Variants in ADAMTS9 observed in about 807,000 individuals in gnomAD.
ADAMTS9 encodes the protein ADAM metallopeptidase with thrombospondin type 1 motif 9, also known as A disintegrin and metalloproteinase with thrombospondin motifs 9.
Under a neutral mutation model 257.1 loss-of-function variants are expected in ADAMTS9, and 107 were observed. The ratio of observed to expected loss-of-function variants is 0.42; its 90% CI spans 0.36 to 0.49. The LOEUF (loss-of-function observed/expected upper bound fraction) is 0.49, where lower values mean the gene tolerates loss of function less well. ADAMTS9 is among the 20% of genes least tolerant of loss of function. ADAMTS9 has a pLI of 0.03. For synonymous variants in ADAMTS9, 982 were observed against 880.9 expected (o/e 1.11, Z -2.03); for missense variants, 2,353 against 2,469.1 (o/e 0.95, Z 1.00).
Position 64,597,002 on chromosome 3 carries a change from C to G in ADAMTS9, c.4018-11G>C. The stretch of plus-strand genomic sequence containing the variant: ...ACAGGTACTGGAACACTAAACACAT[C>G]AGTCGACAAGTTAATCCCCACCTCA... On this transcript the variant is annotated splice_polypyrimidine_tract_variant and intron_variant, in intron 26 of 39. Transcript: ENST00000498707. 6.2e-7 allele frequency: 1 copy of G among 1,613,280 alleles called. No homozygotes were observed. The highest frequency in any genetic ancestry group is 8.5e-7 in the Non-Finnish European group (1 of 1,179,644).
chr3:64,598,375 T>C (rs1018424620), intron 26 of ADAMTS9, among the ~76,000 whole-genome samples: 2 of 151,314 alleles, frequency 1.3e-5, no homozygotes, highest in African/African-American at 4.9e-5. Context: ...TAGAACACAG[T>C]GGTGCGATCA....
intron 12 of ADAMTS9, among the ~76,000 whole-genome samples, chr3:64,634,263 TA>T (rs1553712081): frequency 1.3e-5 from 2 of 152,158 alleles, no homozygotes; most frequent in Non-Finnish European, 2.9e-5. Flanking sequence ...GTTTAAAATG[TA>T]GAAGGTGAAA....
chr3:64,568,597 A>C, intron 28 of ADAMTS9, 62 bp from the exon 29 acceptor site: 1 of 1,587,720 alleles, frequency 6.3e-7, no homozygotes, highest in African/African-American at 1.4e-5. Flanking sequence ...TTTGAGAAAA[A>C]ACCTGCGTCT....
At chr3:64,614,419 G>C (rs886229966) in intron 21 of ADAMTS9, among the ~76,000 whole-genome samples, 1 of 152,202 alleles carries the variant, frequency 6.6e-6, no homozygotes, top group Non-Finnish European at 1.5e-5. Context: ...GGGGCATTAA[G>C]AGTATCCTTT....
chr3:64,539,277 C>G lies in ADAMTS9; in HGVS notation c.5539G>C (p.Ala1847Pro). 2 of 1,613,922 alleles carry G rather than the reference C, an allele frequency of 1.2e-6. No homozygotes were observed. Among genetic ancestry groups the G allele is most frequent in the Non-Finnish European group, 8.5e-7 (1 of 1,179,912 alleles). ...ACGGGATGTCCTTCGCTTGTCCTTG[C>G]AAACTGTAAGTCAGTGGCTGTGGGG... ...MQIITTDLQF[A>P]RTSEGHPVPF... is the part of the protein sequence containing the mutation. Residue 1847 changes from alanine to proline, a missense_variant, in exon 37 of 40, where the codon GCA becomes CCA. Transcript: ENST00000498707.
At chr3:64,528,372 C>T (rs1053158020) in intron 38 of ADAMTS9, among the ~76,000 whole-genome samples, 1 of 152,168 alleles carries the variant, frequency 6.6e-6, no homozygotes, top group Non-Finnish European at 1.5e-5. Context: ...GGCAGAGGAG[C>T]TTGAAATTCT....
chr3:64,577,032 A>G (rs547889746), intron 28 of ADAMTS9, among the ~76,000 whole-genome samples: 14 of 152,308 alleles, frequency 9.2e-5, no homozygotes, highest in African/African-American at 3.1e-4. Context: ...AGGGGAAAAT[A>G]AATTTTAACA....
chr3:64,560,880 C>A (rs1057163890), intron 30 of ADAMTS9, among the ~76,000 whole-genome samples: 3 of 152,104 alleles, frequency 2.0e-5, no homozygotes, highest in African/African-American at 7.2e-5. Context: ...CTTTCCCCCC[C>A]TTTTCTACAG....
In ADAMTS9 at chr3:64,658,809, G is replaced by C; in HGVS notation, c.680-18C>G. 6.3e-7 allele frequency: 1 copy of C among 1,599,834 alleles called. No individual in the cohort carries two copies. The highest frequency in any genetic ancestry group is 8.5e-7 in the Non-Finnish European group (1 of 1,173,142). On this transcript the variant is annotated intron_variant, in intron 3 of 39. Coordinates refer to ENST00000498707, the MANE Select transcript of ADAMTS9 (RefSeq NM_182920.2). ...TTTGTGTTCTGTAACAAATCAGATGGTATGCATTACATTTCAAGCCACATC... is the reference window on the plus strand; with the variant it reads ...TTTGTGTTCTGTAACAAATCAGATGCTATGCATTACATTTCAAGCCACATC...
rs193049134 is a variant in ADAMTS9, at chr3:64,580,078, G to C, written c.4357-11543C>G. On this transcript the variant is annotated intron_variant, in intron 28 of 39. Transcript: ENST00000498707. ...TCCTCTCCCTGAAGATGTCATCTTA[G>C]AGTGACATTTTTGTCAGATGGGTGC... 3.7e-3 allele frequency among the ~76,000 whole-genome samples: 570 copies of C among 152,216 alleles called. 5 individuals carry two copies. Among genetic ancestry groups the C allele is most frequent in the Admixed American group, 8.9e-3 (136 of 15,288 alleles).
chr3:64,639,295 T>TTTTTG (rs1423599744), intron 12 of ADAMTS9, among the ~76,000 whole-genome samples: 17 of 137,164 alleles, frequency 1.2e-4, no homozygotes, highest in Admixed American at 7.1e-5. Flanking sequence ...GGTGGATTGT[T>TTTTTG]TTTTTTTTTT....
At chr3:64,589,661 C>T (rs1013187597) in intron 28 of ADAMTS9, 4 of 152,144 alleles carry the variant, frequency 2.6e-5, no homozygotes, top group Non-Finnish European at 5.9e-5. Context: ...TACAGGGACC[C>T]TCCTTACCTT....
At chr3:64,542,602 A>G (rs1434101098) in intron 32 of ADAMTS9, among the ~76,000 whole-genome samples, 1 of 152,064 alleles carries the variant, frequency 6.6e-6, no homozygotes. Flanking sequence ...AAATTTTTGT[A>G]TTTTATTAAA....
At chr3:64,624,569 AT>A (rs1700184009) in intron 16 of ADAMTS9, among the ~76,000 whole-genome samples, 1 of 152,222 alleles carries the variant, frequency 6.6e-6, no homozygotes, top group Admixed American at 6.5e-5. Context: ...AAGAGAGCTT[AT>A]TGGGAAAGTT....
intron 28 of ADAMTS9, among the ~76,000 whole-genome samples, chr3:64,580,755 A>G (rs1049692209): frequency 6.6e-6 from 1 of 152,202 alleles, no homozygotes; most frequent in Non-Finnish European, 1.5e-5. Context: ...AATAAACAAA[A>G]TCAGGAATCT....
chr3:64,640,979 C>T (rs1362614878), intron 12 of ADAMTS9, among the ~76,000 whole-genome samples: 2 of 152,180 alleles, frequency 1.3e-5, no homozygotes, highest in African/African-American at 2.4e-5. Context: ...AAGAGACTCC[C>T]AATCTGTAAA....
rs76703048 is a variant in ADAMTS9 at position 64,658,105 on chromosome 3, G to C, written c.969+397C>G. Among the ~76,000 whole-genome samples, 910 of 152,184 alleles carry C rather than the reference G, an allele frequency of 6.0e-3. 4 individuals are homozygous for C. Among genetic ancestry groups the C allele is most frequent in the African/African-American group, 0.021 (869 of 41,508 alleles). ...GTGAGGCAAAAAGCATTGGTTTTCG[G>C]AACTGGACAAGCTAAAGGCCACAGG... On this transcript the variant is annotated intron_variant, in intron 4 of 39. Coordinates refer to ENST00000498707, the MANE Select transcript of ADAMTS9 (RefSeq NM_182920.2).
chr3:64,544,813 C>T (rs1271102166), intron 32 of ADAMTS9, among the ~76,000 whole-genome samples: 1 of 152,150 alleles, frequency 6.6e-6, no homozygotes. Flanking sequence ...AAACTACCAT[C>T]AGAGTGAACA....
intron 38 of ADAMTS9, among the ~76,000 whole-genome samples, chr3:64,532,475 T>C (rs1339422101): frequency 1.3e-5 from 2 of 152,102 alleles, no homozygotes; most frequent in Non-Finnish European, 2.9e-5. Flanking sequence ...AGTTGAAAAA[T>C]CAAGTGGAAC....
Sources: gnomAD v4.1 joint callset for allele counts (sites outside exome capture counted in the v4.1 genomes callset) on GRCh38, gnomAD v4.1.1 for gene constraint, MANE v1.5 for transcripts, NCBI Gene and HGNC (gene_info 2026-07-23, HGNC 2026-07-21) for gene names.